The following RPIA variants were observed in gnomAD, a reference collection of about 807,000 sequenced individuals.
RPIA encodes ribose-5-phosphate isomerase.
In RPIA, 29 loss-of-function variants were observed where a neutral mutation model predicts 37.8. The observed-to-expected ratio is 0.77, with a 90% CI of 0.57 to 1.05. The LOEUF is 1.05. Among genes scored for constraint, RPIA ranks in the 50% least tolerant of loss-of-function variants. The pLI, the probability that RPIA is intolerant of heterozygous loss-of-function variation, is 0.00. For missense variants in RPIA, 385 were observed against 413.6 expected, an observed-to-expected ratio of 0.93 and a Z score of 0.60; for synonymous variants, 167 against 157.0, an observed-to-expected ratio of 1.06 and a Z score of -0.48.
chr2:88,698,483 G>C lies in RPIA; in HGVS notation c.286-1G>C. On this transcript the variant is annotated splice_acceptor_variant, in intron 1 of 8. Transcript: ENST00000283646. LOFTEE classifies it high-confidence loss of function. ...GTTTTTTCTTCCCCGTTTTTTGGCA[G>C]AATAACCAAGTGCTGGGAATTGGAA... 1 of 1,614,016 alleles carries C rather than the reference G, an allele frequency of 6.2e-7. No homozygotes were observed.
At chr2:88,733,065 A>T (rs1379564692) in intron 4 of RPIA, among the ~76,000 whole-genome samples, 3 of 152,252 alleles carry the variant, frequency 2.0e-5, no homozygotes, top group Non-Finnish European at 2.9e-5. Context: ...ACTCAGGCAC[A>T]TCTTTTCTAG....
intron 3 of RPIA, among the ~76,000 whole-genome samples, chr2:88,718,342 T>C (rs1415064075): frequency 6.6e-6 from 1 of 151,184 alleles, no homozygotes; most frequent in Non-Finnish European, 1.5e-5. Context: ...AGAATAATAA[T>C]TACTTTTTTT....
intron 4 of RPIA, among the ~76,000 whole-genome samples, chr2:88,733,581 G>A (rs1159840285): frequency 1.3e-5 from 2 of 152,154 alleles, no homozygotes; most frequent in South Asian, 4.1e-4. Flanking sequence ...GCCTGGCTCT[G>A]GGGTTAATGC....
intron 3 of RPIA, among the ~76,000 whole-genome samples, chr2:88,702,101 TA>T (rs796944706): frequency 2.4e-4 from 37 of 152,386 alleles, no homozygotes; most frequent in African/African-American, 8.2e-4. Context: ...TGATGATTTA[TA>T]ATGTCTAATT....
chr2:88,744,546 T>A (rs1262116481), intron 8 of RPIA, among the ~76,000 whole-genome samples: 1 of 152,222 alleles, frequency 6.6e-6, no homozygotes, highest in East Asian at 1.9e-4. Flanking sequence ...CATTGTTTCT[T>A]TGTTGACTTT....
At chr2:88,736,215 T>C (rs1187925490) in intron 6 of RPIA, among the ~76,000 whole-genome samples, 1 of 152,230 alleles carries the variant, frequency 6.6e-6, no homozygotes, top group Admixed American at 6.5e-5. Flanking sequence ...TCAAAAGCAC[T>C]TGTGCTGAGC....
intron 3 of RPIA, among the ~76,000 whole-genome samples, chr2:88,725,933 A>G (rs1254749696): frequency 6.6e-6 from 1 of 152,202 alleles, no homozygotes; most frequent in African/African-American, 2.4e-5. Flanking sequence ...GTCATTGTAC[A>G]GGGGCCCAGA....
intron 4 of RPIA, among the ~76,000 whole-genome samples, chr2:88,733,711 G>A (rs958022803): frequency 3.3e-5 from 5 of 152,208 alleles, no homozygotes; most frequent in Non-Finnish European, 7.3e-5. Context: ...TGCCAGCCAT[G>A]CCAAGCAACT....
intron 3 of RPIA, among the ~76,000 whole-genome samples, chr2:88,721,585 A>C: frequency 8.2e-6 from 1 of 121,446 alleles, no homozygotes; most frequent in South Asian, 3.2e-4. Flanking sequence ...CCCCCCCCAC[A>C]TGCACACATG....
chr2:88,723,583 A>G (rs1673160422), intron 3 of RPIA, among the ~76,000 whole-genome samples: 1 of 152,168 alleles, frequency 6.6e-6, no homozygotes, highest in South Asian at 2.1e-4. Context: ...TTTGAGCCAT[A>G]AAATTAGCTC....
intron 1 of RPIA, among the ~76,000 whole-genome samples, chr2:88,692,647 G>A (rs1383920661): frequency 1.3e-5 from 2 of 152,090 alleles, no homozygotes; most frequent in African/African-American, 4.8e-5. Context: ...TGTTAGTGGA[G>A]TTTTTTTAAT....
chr2:88,737,053 G>A (rs1673323684), intron 7 of RPIA, among the ~76,000 whole-genome samples: 1 of 152,100 alleles, frequency 6.6e-6, no homozygotes, highest in Non-Finnish European at 1.5e-5. Context: ...AGGTTCCATG[G>A]TGTAACTTCT....
intron 3 of RPIA, among the ~76,000 whole-genome samples, chr2:88,712,510 G>A (rs563842835): frequency 1.3e-5 from 2 of 152,224 alleles, no homozygotes; most frequent in East Asian, 3.9e-4. Flanking sequence ...TCTTTACCTT[G>A]CTCTCACAGT....
rs749027103 is a variant in RPIA, at chr2:88,691,772, C to G, written c.74C>G (p.Ala25Gly). ...LAPLPGRAGG[A>G]ASGGGGNSWD... ...CCGCTGCCCGGGAGGGCCGGGGGCGCGGCCTCCGGCGGAGGAGGGAACAGC... is the reference window on the plus strand; with the variant it reads ...CCGCTGCCCGGGAGGGCCGGGGGCGGGGCCTCCGGCGGAGGAGGGAACAGC... The change falls in exon 1 of 9, where the codon GCG becomes GGG. Residue 25 changes from alanine to glycine, a missense_variant. Physicochemically the swap from Ala to Gly is moderately conservative, Grantham distance 60 (BLOSUM62 0). Around this residue, in one of 2 missense-constraint regions of RPIA, gnomAD observed 232 missense variants for 203.0 expected, o/e 1.14. Coordinates refer to ENST00000283646, the MANE Select transcript of RPIA (RefSeq NM_144563.3). The G allele has an allele frequency of 1.7e-5, 27 of 1,590,708 alleles. No individual in the cohort carries two copies. Among genetic ancestry groups the G allele is most frequent in the Non-Finnish European group, 2.3e-5 (27 of 1,172,750 alleles).
rs902822431 is a variant in RPIA at position 88,699,400 on chromosome 2, C to CT, written c.347-595dup. Among the ~76,000 whole-genome samples the CT allele has an allele frequency of 1.3e-3, 188 of 142,168 alleles. 1 individual carries two copies. The South Asian group carries it at 0.014, about 11-fold the overall frequency. The allele number at this position is 142,168 out of a possible 152,430, so 93.3% of individuals were successfully genotyped here. On this transcript the variant is annotated intron_variant, in intron 2 of 8. Coordinates refer to ENST00000283646, the MANE Select transcript of RPIA (RefSeq NM_144563.3). ...TTTAATACGAATTTTTTCCTGAAGT[C>CT]TTTTTTTTTTTTTTAAATCAAACTT...
At chr2:88,748,914 A>T (rs888256204) in intron 8 of RPIA, among the ~76,000 whole-genome samples, 1 of 151,980 alleles carries the variant, frequency 6.6e-6, no homozygotes, top group Non-Finnish European at 1.5e-5. Flanking sequence ...TCTCTATGTT[A>T]TGTTTCCCAG....
At chr2:88,692,572 G>A (rs1415441153) in intron 1 of RPIA, among the ~76,000 whole-genome samples, 1 of 152,176 alleles carries the variant, frequency 6.6e-6, no homozygotes, top group East Asian at 1.9e-4. Flanking sequence ...GGTCTGCAGA[G>A]ATGTTTAGCT....
chr2:88,735,872 G>C (rs1673308946), intron 6 of RPIA, 135 bp downstream of exon 6: 1 of 860,536 alleles, frequency 1.2e-6, no homozygotes, highest in African/African-American at 1.7e-5. Context: ...CTAGGACTTA[G>C]TACAGTGTCT....
intron 8 of RPIA, among the ~76,000 whole-genome samples, chr2:88,745,644 C>A (rs1486403321): frequency 6.6e-6 from 1 of 152,188 alleles, no homozygotes; most frequent in Non-Finnish European, 1.5e-5. Flanking sequence ...GCTGAGAAAT[C>A]TGCTGTTAAT....
Sources: gnomAD v4.1 joint callset for allele counts (sites outside exome capture counted in the v4.1 genomes callset) on GRCh38, gnomAD v4.1.1 for gene constraint, gnomAD v4.1.1 regional missense constraint, MANE v1.5 for transcripts, NCBI Gene and HGNC (gene_info 2026-07-23, HGNC 2026-07-21) for gene names.